The following TBC1D5 variants were observed in gnomAD, a reference collection of about 807,000 sequenced individuals.
The protein encoded by TBC1D5 is TBC1 domain family, member 5.
A neutral mutation model predicts 100.3 loss-of-function variants in TBC1D5; 75 were observed. The ratio of observed to expected loss-of-function variants is 0.75; its 90% CI spans 0.62 to 0.91. TBC1D5 has a LOEUF of 0.91. Ranked by LOEUF, TBC1D5 falls within the 40% of genes least tolerant of loss-of-function variation. TBC1D5 has a pLI of 0.00. For missense variants in TBC1D5, 910 were observed against 942.4 expected (o/e 0.97, Z 0.45); for synonymous variants, 323 against 325.6 (o/e 0.99, Z 0.09).
intron 13 of TBC1D5, among the ~76,000 whole-genome samples, chr3:17,364,903 A>AT (rs948102622): frequency 8.5e-5 from 13 of 152,106 alleles, no homozygotes; most frequent in Non-Finnish European, 2.9e-5. Flanking sequence ...ACTCTATATG[A>AT]TTTTTTTCAT....
At chr3:17,207,234 T>C (rs999047222) in intron 18 of TBC1D5, among the ~76,000 whole-genome samples, 2 of 152,202 alleles carry the variant, frequency 1.3e-5, no homozygotes, top group Non-Finnish European at 2.9e-5. Context: ...GCAACAATCA[T>C]AGAACATGAC....
intron 1 of TBC1D5, among the ~76,000 whole-genome samples, chr3:17,677,937 A>C (rs2068865940): frequency 6.6e-6 from 1 of 152,176 alleles, no homozygotes; most frequent in African/African-American, 2.4e-5. Flanking sequence ...CATAGGTGGG[A>C]ATTGAACAAT....
At chr3:17,356,069 T>G (rs2151788310) in intron 13 of TBC1D5, among the ~76,000 whole-genome samples, 1 of 152,260 alleles carries the variant, frequency 6.6e-6, no homozygotes, top group South Asian at 2.1e-4. Flanking sequence ...TTAAAAAAAG[T>G]GATCATTGTT....
At chr3:17,348,821 T>A (rs2090222355) in intron 13 of TBC1D5, among the ~76,000 whole-genome samples, 1 of 152,182 alleles carries the variant, frequency 6.6e-6, no homozygotes, top group Non-Finnish European at 1.5e-5. Context: ...GTATTTTTTA[T>A]GAATAGCTTT....
At chr3:17,620,048 ACTGCAG>A (rs1303637798) in intron 2 of TBC1D5, among the ~76,000 whole-genome samples, 5 of 152,228 alleles carry the variant, frequency 3.3e-5, no homozygotes, top group Non-Finnish European at 1.5e-5. Flanking sequence ...ACTCTCATAC[ACTGCAG>A]CAGGGAAGGC....
intron 15 of TBC1D5, among the ~76,000 whole-genome samples, chr3:17,261,356 T>C (rs778662801): frequency 2.8e-4 from 43 of 151,856 alleles, no homozygotes; most frequent in Admixed American, 8.6e-4. Flanking sequence ...GATAGATAAC[T>C]GGGACGTACC....
intron 4 of TBC1D5, among the ~76,000 whole-genome samples, chr3:17,407,051 G>C (rs1218177866): frequency 2.0e-5 from 3 of 151,910 alleles, no homozygotes; most frequent in Non-Finnish European, 4.4e-5. Flanking sequence ...TACATGATCA[G>C]TTTTAAAATT....
At chr3:17,540,223 T>C (rs954254275) in intron 2 of TBC1D5, among the ~76,000 whole-genome samples, 4 of 152,268 alleles carry the variant, frequency 2.6e-5, no homozygotes, top group Non-Finnish European at 4.4e-5. Flanking sequence ...TCTCCATATA[T>C]GCATTATATA....
At chr3:17,740,486 G>A (rs1019063797) in exon 1 of TBC1D5, 2 of 152,128 alleles carry the variant, frequency 1.3e-5, no homozygotes, top group Non-Finnish European at 2.9e-5. Context: ...TTATTTAGAA[G>A]TACAACCTCT....
intron 17 of TBC1D5, among the ~76,000 whole-genome samples, chr3:17,214,814 T>C (rs772076123): frequency 6.6e-5 from 10 of 152,062 alleles, no homozygotes; most frequent in Non-Finnish European, 1.5e-4. Context: ...GCATCTCTCC[T>C]CTTCCCTCTG....
intron 13 of TBC1D5, among the ~76,000 whole-genome samples, chr3:17,319,039 G>A (rs2085044373): frequency 6.6e-6 from 1 of 152,182 alleles, no homozygotes; most frequent in South Asian, 2.1e-4. Flanking sequence ...CTTTTGGTCA[G>A]CCAATTTTAG....
chr3:17,167,335 ATG>A (rs1347425352), intron 20 of TBC1D5, among the ~76,000 whole-genome samples: 1 of 152,192 alleles, frequency 6.6e-6, no homozygotes, highest in Non-Finnish European at 1.5e-5. Context: ...ACTGACATTT[ATG>A]TCTCATTTAG....
At chr3:17,416,707 A>C (rs1034144737) in intron 4 of TBC1D5, among the ~76,000 whole-genome samples, 4 of 152,118 alleles carry the variant, frequency 2.6e-5, no homozygotes, top group African/African-American at 9.7e-5. Flanking sequence ...TGTCTATCTC[A>C]TTGACTCTCC....
At position 17,676,805 on chromosome 3, in the gene TBC1D5, T is replaced by C. The variant is rs2068703643; in HGVS notation, c.-100-52892A>G. Among the ~76,000 whole-genome samples, 3 of 152,066 alleles carry C rather than the reference T, an allele frequency of 2.0e-5. 1 individual carries two copies. Among genetic ancestry groups the C allele is most frequent in the Admixed American group, 2.0e-4 (3 of 15,272 alleles). Reference sequence around the variant, plus strand: ...CATGGTACTGGTACCAAAACAGAGATATAGACCAATGGAACAGAACAGAGG... The same window carrying C: ...CATGGTACTGGTACCAAAACAGAGACATAGACCAATGGAACAGAACAGAGG... On this transcript the variant is annotated intron_variant, in intron 1 of 21. Coordinates refer to ENST00000253692, the Ensembl canonical transcript of TBC1D5.
At chr3:17,562,363 C>A (rs2096564619) in intron 2 of TBC1D5, among the ~76,000 whole-genome samples, 1 of 151,670 alleles carries the variant, frequency 6.6e-6, no homozygotes, top group South Asian at 2.1e-4. Flanking sequence ...AGATTTTACC[C>A]AACCCAATAG....
chr3:17,572,080 C>T (rs1314132662), intron 2 of TBC1D5, among the ~76,000 whole-genome samples: 2 of 151,986 alleles, frequency 1.3e-5, no homozygotes, highest in African/African-American at 4.8e-5. Flanking sequence ...TCTGAGGTTC[C>T]TCCTCTCCAA....
At chr3:17,538,961 C>T (rs531743293) in intron 2 of TBC1D5, among the ~76,000 whole-genome samples, 1 of 152,264 alleles carries the variant, frequency 6.6e-6, no homozygotes, top group East Asian at 1.9e-4. Context: ...GCAGGTGGAA[C>T]ACTCGAGATC....
intron 9 of TBC1D5, among the ~76,000 whole-genome samples, chr3:17,382,149 C>T (rs2092970887): frequency 1.3e-5 from 2 of 152,046 alleles, no homozygotes; most frequent in South Asian, 4.1e-4. Flanking sequence ...ACAACCACAA[C>T]TACCAACATG....
At chr3:17,611,084 G>A (rs1265462325) in intron 2 of TBC1D5, among the ~76,000 whole-genome samples, 1 of 152,006 alleles carries the variant, frequency 6.6e-6, no homozygotes, top group East Asian at 1.9e-4. Context: ...TGATAATGAA[G>A]TGAATAATGA....
Sources: allele counts gnomAD v4.1 joint callset (sites outside exome capture counted in the v4.1 genomes callset), GRCh38; gene constraint gnomAD v4.1.1; transcripts MANE v1.5; gene names NCBI Gene and HGNC (gene_info 2026-07-23, HGNC 2026-07-21).